The following PPP3CA variants were observed in gnomAD, a reference collection of about 807,000 sequenced individuals.
The protein encoded by PPP3CA is CAM-PRP catalytic subunit.
In PPP3CA, 14 loss-of-function variants were observed where a neutral mutation model predicts 66.5. The observed-to-expected ratio is 0.21, with a 90% CI of 0.14 to 0.33. PPP3CA has a LOEUF of 0.33. Among genes scored for constraint, PPP3CA ranks in the 10% least tolerant of loss-of-function variants. The pLI, the probability that PPP3CA is intolerant of heterozygous loss-of-function variation, is 1.00. For synonymous variants in PPP3CA, 232 were observed against 226.2 expected (o/e 1.03, Z -0.23); for missense variants, 317 against 639.5 (o/e 0.50, Z 5.44).
chr4:101,273,377 C>G (rs1432838231), intron 1 of PPP3CA, among the ~76,000 whole-genome samples: 2 of 151,774 alleles, frequency 1.3e-5, no homozygotes, highest in African/African-American at 4.8e-5. Context: ...ACAGAGTGAT[C>G]GCGCAGTGGC....
Position 101,161,930 on chromosome 4 carries a change from C to T in PPP3CA, c.259+33986G>A, listed in dbSNP as rs149866918. Among the ~76,000 whole-genome samples, 9 of 152,194 alleles carry T rather than the reference C, an allele frequency of 5.9e-5. No homozygotes were observed. In the East Asian group the frequency reaches 1.7e-3, roughly 29 times the overall value. ...TATAGAAAAATTTTACCTTGATAGT[C>T]CACATCGAGGTTAAAAAAAGTGAAA... On this transcript the variant is annotated intron_variant, in intron 2 of 13. Coordinates refer to ENST00000394854, the MANE Select transcript of PPP3CA (RefSeq NM_000944.5).
In PPP3CA at chr4:101,083,203, G is replaced by A. The variant is rs199706529; in HGVS notation, c.843C>T (p.His281=). 10 of 1,567,764 alleles carry A rather than the reference G, an allele frequency of 6.4e-6. No individual in the cohort carries two copies. The Admixed American group carries it at 7.4e-5, about 12-fold the overall frequency. ...HNNLLSILRA[H]EAQDAGYRMY... The stretch of plus-strand genomic sequence containing the variant: ...CTGCTCACCCTGCATCTTGGGCTTC[G>A]TGGGCTCGGAGTATAGATAACAAGT... The change falls in exon 7 of 14, where the codon CAC becomes CAT. Residue 281 remains histidine (H), a synonymous_variant. Transcript: ENST00000394854.
chr4:101,079,194 C>T (rs1413136414), intron 8 of PPP3CA, among the ~76,000 whole-genome samples: 2 of 152,182 alleles, frequency 1.3e-5, no homozygotes, highest in Admixed American at 1.3e-4. Context: ...CCATATTAGG[C>T]ATCCTGGACA....
chr4:101,208,371 A>G (rs1725199881), intron 1 of PPP3CA, among the ~76,000 whole-genome samples: 1 of 152,176 alleles, frequency 6.6e-6, no homozygotes, highest in South Asian at 2.1e-4. Context: ...CAACAACCAC[A>G]GCGCAGTTCC....
At chr4:101,341,896 C>T (rs1244489832) in intron 1 of PPP3CA, among the ~76,000 whole-genome samples, 1 of 152,036 alleles carries the variant, frequency 6.6e-6, no homozygotes, top group Non-Finnish European at 1.5e-5. Context: ...GTAATTTAAC[C>T]ATATTTGCTA....
At chr4:101,158,656 A>T (rs2110304692) in intron 2 of PPP3CA, among the ~76,000 whole-genome samples, 1 of 152,266 alleles carries the variant, frequency 6.6e-6, no homozygotes, top group Non-Finnish European at 1.5e-5. Context: ...CTCTACTGTG[A>T]TTGCCTATCA....
At chr4:101,027,511 G>A (rs1440051705) in intron 13 of PPP3CA, among the ~76,000 whole-genome samples, 2 of 152,192 alleles carry the variant, frequency 1.3e-5, no homozygotes, top group African/African-American at 2.4e-5. Context: ...AGCAAAGCTT[G>A]TTAATTCTTC....
chr4:101,266,105 TATAA>T (rs1273740803), intron 1 of PPP3CA, among the ~76,000 whole-genome samples: 1 of 152,126 alleles, frequency 6.6e-6, no homozygotes, highest in Non-Finnish European at 1.5e-5. Flanking sequence ...GTGACTTAGA[TATAA>T]TAATAATTAA....
chr4:101,029,347 TAAAAAAAA>T (rs34620032), intron 12 of PPP3CA, 152 bp from the exon 13 acceptor site: 13 of 79,466 alleles, frequency 1.6e-4, no homozygotes, highest in African/African-American at 3.6e-4. Context: ...ACAGAAATGC[TAAAAAAAA>T]AAAAAAAAAA....
intron 1 of PPP3CA, among the ~76,000 whole-genome samples, chr4:101,214,206 G>A (rs2659518): frequency 0.18 from 26,799 of 152,044 alleles, 3,400 homozygotes; most frequent in East Asian, 0.33. Flanking sequence ...CTAAGACTCC[G>A]ATTACATGTA....
intron 2 of PPP3CA, among the ~76,000 whole-genome samples, chr4:101,147,962 T>C (rs1723020861): frequency 6.6e-6 from 1 of 152,192 alleles, no homozygotes; most frequent in East Asian, 1.9e-4. Flanking sequence ...TCCACGTCTC[T>C]GTCCAAAATA....
At chr4:101,251,129 C>T (rs1002562305) in intron 1 of PPP3CA, among the ~76,000 whole-genome samples, 3 of 151,648 alleles carry the variant, frequency 2.0e-5, no homozygotes, top group Non-Finnish European at 4.4e-5. Context: ...GAAGAAATAG[C>T]AATGATATTC....
intron 10 of PPP3CA, among the ~76,000 whole-genome samples, chr4:101,048,991 A>T (rs1202978701): frequency 6.6e-6 from 1 of 152,158 alleles, no homozygotes; most frequent in African/African-American, 2.4e-5. Flanking sequence ...GGAAGGCCAG[A>T]AGAGCCTAAA....
chr4:101,191,813 A>G (rs1487219965), intron 2 of PPP3CA, among the ~76,000 whole-genome samples: 5 of 152,146 alleles, frequency 3.3e-5, no homozygotes, highest in African/African-American at 1.2e-4. Flanking sequence ...CACATCCAGG[A>G]ACAAAGCCAG....
chr4:101,311,802 C>T (rs1560711937), intron 1 of PPP3CA, among the ~76,000 whole-genome samples: 1 of 152,106 alleles, frequency 6.6e-6, no homozygotes, highest in Non-Finnish European at 1.5e-5. Flanking sequence ...GATACCATCG[C>T]TCAGTATGAT....
chr4:101,281,979 T>A (rs1282364040), intron 1 of PPP3CA, among the ~76,000 whole-genome samples: 1 of 152,164 alleles, frequency 6.6e-6, no homozygotes, highest in Non-Finnish European at 1.5e-5. Context: ...TAAATACACA[T>A]TCATGGAGCT....
chr4:101,196,143 C>A (rs768092724), intron 1 of PPP3CA, 27 bp from the exon 2 acceptor site: 1 of 1,602,456 alleles, frequency 6.2e-7, no homozygotes, highest in Non-Finnish European at 8.5e-7. Context: ...CTAATTATTA[C>A]ATTAGCCAAA....
chr4:101,068,962 T>C (rs951329010), intron 8 of PPP3CA, among the ~76,000 whole-genome samples: 5 of 152,192 alleles, frequency 3.3e-5, no homozygotes, highest in Non-Finnish European at 7.3e-5. Context: ...GGAAAGTTAA[T>C]GTTTATATTG....
intron 8 of PPP3CA, among the ~76,000 whole-genome samples, chr4:101,067,915 A>G (rs1419262746): frequency 1.3e-5 from 2 of 152,090 alleles, no homozygotes; most frequent in East Asian, 3.8e-4. Flanking sequence ...CAAACCACAC[A>G]TGGACTAAGC....
Sources: gnomAD v4.1 joint callset for allele counts (sites outside exome capture counted in the v4.1 genomes callset) on GRCh38, gnomAD v4.1.1 for gene constraint, MANE v1.5 for transcripts, NCBI Gene and HGNC (gene_info 2026-07-23, HGNC 2026-07-21) for gene names.